The following AGPAT5 variants were observed in gnomAD, a reference collection of about 807,000 sequenced individuals.
AGPAT5 encodes the protein 1-acylglycerol-3-phosphate O-acyltransferase 5.
Under a neutral mutation model 45.6 loss-of-function variants are expected in AGPAT5, and 46 were observed. The observed-to-expected ratio is 1.01, with a 90% CI of 0.80 to 1.29. AGPAT5 has a LOEUF of 1.29. Among genes scored for constraint, AGPAT5 ranks in the 50% most tolerant of loss-of-function variants. The probability of loss-of-function intolerance (pLI) is 0.00; values close to 1 mark genes in which losing one functional copy is unlikely to be tolerated. For missense variants in AGPAT5, 673 were observed against 450.7 expected (o/e 1.49, Z -4.47); for synonymous variants, 272 against 167.0 (o/e 1.63, Z -4.85).
chr8:6,736,772 G>C (rs1160748829), intron 4 of AGPAT5, among the ~76,000 whole-genome samples: 1 of 152,236 alleles, frequency 6.6e-6, no homozygotes, highest in Non-Finnish European at 1.5e-5. Context: ...GGTTGCAGAT[G>C]CACGTGAGAC....
chr8:6,732,953 G>A (rs1211178021), intron 4 of AGPAT5, among the ~76,000 whole-genome samples: 1 of 152,152 alleles, frequency 6.6e-6, no homozygotes, highest in Non-Finnish European at 1.5e-5. Context: ...TGACATTTAA[G>A]CTAGTTTACA....
chr8:6,715,064 A>G (rs1800274074), intron 1 of AGPAT5, among the ~76,000 whole-genome samples: 1 of 152,216 alleles, frequency 6.6e-6, no homozygotes, highest in South Asian at 2.1e-4. Flanking sequence ...TTCCTGCAAT[A>G]TTCCCGTGTG....
In AGPAT5 at chr8:6,735,848, C is replaced by CTTTTTTTTT. The variant is rs1563295313; in HGVS notation, c.495+3198_495+3199insTTTTTTTTT. Among the ~76,000 whole-genome samples the CTTTTTTTTT allele has an allele frequency of 7.3e-4, 39 of 53,626 alleles. 5 individuals are homozygous for CTTTTTTTTT. The highest frequency in any genetic ancestry group is 8.3e-4 in the African/African-American group (15 of 18,176). 35.2% of individuals were successfully genotyped at this position (53,626 alleles called of 152,430 possible). On this transcript the variant is annotated intron_variant, in intron 4 of 7. Coordinates refer to ENST00000285518, the MANE Select transcript of AGPAT5 (RefSeq NM_018361.5). Reference sequence around the variant, plus strand: ...GTGTTCCTGTTTATTCTTTATATAGCCTTTTTTTTTTTTTTTTTTTTTTTG... The same window carrying CTTTTTTTTT: ...GTGTTCCTGTTTATTCTTTATATAGCTTTTTTTTTCTTTTTTTTTTTTTTTTTTTTTTTG...
chr8:6,754,666 G>C (rs1801772181), intron 6 of AGPAT5, among the ~76,000 whole-genome samples: 1 of 152,170 alleles, frequency 6.6e-6, no homozygotes, highest in African/African-American at 2.4e-5. Context: ...ACTAGGATGG[G>C]GCTGGTGGTG....
At chr8:6,730,907 T>C (rs1587025246) in intron 3 of AGPAT5, 81 bp downstream of exon 3, 4 of 888,948 alleles carry the variant, frequency 4.5e-6, no homozygotes, top group Non-Finnish European at 6.7e-6. Flanking sequence ...TCTCACTTTA[T>C]TGCTCAGGCT....
chr8:6,738,668 A>G (rs1313274262), intron 4 of AGPAT5: 1 of 152,240 alleles, frequency 6.6e-6, no homozygotes, highest in African/African-American at 2.4e-5. Flanking sequence ...GAAGCATGAT[A>G]AAATGAGATG....
chr8:6,726,515 G>A (rs1180324710), intron 2 of AGPAT5, among the ~76,000 whole-genome samples: 1 of 152,174 alleles, frequency 6.6e-6, no homozygotes, highest in African/African-American at 2.4e-5. Context: ...AACATTTCTG[G>A]AAGTGTTGCT....
intron 1 of AGPAT5, among the ~76,000 whole-genome samples, chr8:6,710,368 C>T (rs942598895): frequency 2.6e-5 from 4 of 152,252 alleles, no homozygotes; most frequent in Admixed American, 6.5e-5. Flanking sequence ...TTCCCCCCAC[C>T]GTCTGTTCAA....
intron 1 of AGPAT5, among the ~76,000 whole-genome samples, chr8:6,714,880 T>C (rs1800269735): frequency 6.6e-6 from 1 of 152,230 alleles, no homozygotes; most frequent in African/African-American, 2.4e-5. Flanking sequence ...TTTTGTATAT[T>C]TGTCTGATTT....
At position 6,728,730 on chromosome 8, in the gene AGPAT5, C is replaced by G. The variant is rs569552450; in HGVS notation, c.290-1981C>G. On this transcript the variant is annotated intron_variant, in intron 2 of 7. Coordinates refer to ENST00000285518, the MANE Select transcript of AGPAT5 (RefSeq NM_018361.5). ...GCTGTAGCCTGGTAACCATACAGAA[C>G]CATACAGAATTAGTTCTCAGAATTT... is the stretch of plus-strand genomic sequence containing the variant. Among the ~76,000 whole-genome samples the G allele has an allele frequency of 7.2e-5, 11 of 152,296 alleles. No homozygotes were observed. The South Asian group carries it at 2.3e-3, about 32-fold the overall frequency.
intron 4 of AGPAT5, among the ~76,000 whole-genome samples, chr8:6,740,008 A>C (rs1261149069): frequency 1.3e-5 from 2 of 151,864 alleles, no homozygotes; most frequent in Admixed American, 6.6e-5. Context: ...TCTTTTCCTC[A>C]CTTGTCCATG....
chr8:6,711,350 G>A (rs1337861430), intron 1 of AGPAT5, among the ~76,000 whole-genome samples: 1 of 152,162 alleles, frequency 6.6e-6, no homozygotes, highest in African/African-American at 2.4e-5. Context: ...ATGTATCTCT[G>A]AGATAGAGAA....
chr8:6,741,026 C>T (rs1222479181), intron 4 of AGPAT5, among the ~76,000 whole-genome samples: 2 of 152,024 alleles, frequency 1.3e-5, no homozygotes, highest in African/African-American at 2.4e-5. Flanking sequence ...AGCGTAAAAA[C>T]TTAGACTAAT....
At chr8:6,713,416 CAGTTCTTA>C (rs1290833472) in intron 1 of AGPAT5, among the ~76,000 whole-genome samples, 22 of 152,208 alleles carry the variant, frequency 1.4e-4, no homozygotes, top group African/African-American at 5.3e-4. Context: ...ATAAAATGCA[CAGTTCTTA>C]AGTTTATATA....
chr8:6,725,978 A>T lies in AGPAT5; in HGVS notation c.289+1039A>T, dbSNP rs1263126246. On this transcript the variant is annotated intron_variant, in intron 2 of 7. Coordinates refer to ENST00000285518, the MANE Select transcript of AGPAT5 (RefSeq NM_018361.5). ...AAAGAAGTTAAAATGCATTTTTCTC[A>T]ATTTAGTGAATTAATGATTACATTC... Among the ~76,000 whole-genome samples the T allele has an allele frequency of 4.6e-5, 7 of 152,172 alleles. No individual in the cohort carries two copies. In the East Asian group the frequency reaches 9.6e-4, roughly 21 times the overall value.
chr8:6,757,572 G>A lies in AGPAT5; in HGVS notation c.*184G>A. The stretch of plus-strand genomic sequence containing the variant: ...TGGTCTTGGGCAAACATACCTGGTT[G>A]TACAACTTTAGCATCGGGGCTGCTG... On this transcript the variant is annotated 3_prime_UTR_variant, in exon 8 of 8. Coordinates refer to ENST00000285518, the MANE Select transcript of AGPAT5 (RefSeq NM_018361.5). 1 of 574,910 alleles carries A rather than the reference G, an allele frequency of 1.7e-6. No homozygotes were observed. Among genetic ancestry groups the A allele is most frequent in the Non-Finnish European group, 3.1e-6 (1 of 327,234 alleles). The allele number at this position is 574,910 out of a possible 1,614,324, so 35.6% of individuals were successfully genotyped here.
At chr8:6,732,886 A>T (rs561081835) in intron 4 of AGPAT5, among the ~76,000 whole-genome samples, 22 of 152,312 alleles carry the variant, frequency 1.4e-4, no homozygotes, top group African/African-American at 5.1e-4. Flanking sequence ...AAAGAGGAAT[A>T]AAAAGAGCAT....
At chr8:6,711,425 A>T (rs556032844) in intron 1 of AGPAT5, among the ~76,000 whole-genome samples, 2 of 152,356 alleles carry the variant, frequency 1.3e-5, no homozygotes, top group South Asian at 2.1e-4. Flanking sequence ...GTCCTTCCAG[A>T]ATCTCTCATT....
chr8:6,755,645 T>C (rs1801809901), intron 7 of AGPAT5, among the ~76,000 whole-genome samples: 2 of 152,226 alleles, frequency 1.3e-5, no homozygotes, highest in South Asian at 4.1e-4. Context: ...GTTGACAGCG[T>C]TATATCCAAA....
Sources: gnomAD v4.1 joint callset for allele counts (sites outside exome capture counted in the v4.1 genomes callset) on GRCh38, gnomAD v4.1.1 for gene constraint, MANE v1.5 for transcripts, NCBI Gene and HGNC (gene_info 2026-07-23, HGNC 2026-07-21) for gene names.